Variants in RBFOX1 observed in about 807,000 individuals in gnomAD.
RBFOX1 encodes RNA binding fox-1 homolog 1, also known as RNA binding protein fox-1 homolog 1.
A neutral mutation model predicts 57.7 loss-of-function variants in RBFOX1; 8 were observed. The ratio of observed to expected loss-of-function variants is 0.14; its 90% CI spans 0.08 to 0.25. RBFOX1 has a LOEUF of 0.25. Among genes scored for constraint, RBFOX1 ranks in the 10% least tolerant of loss-of-function variants. The pLI is 1.00. For missense variants in RBFOX1, 611 were observed against 548.5 expected, an observed-to-expected ratio of 1.11 and a Z score of -1.14; for synonymous variants, 326 against 222.4, an observed-to-expected ratio of 1.47 and a Z score of -4.15.
At chr16:7,389,059 T>G (rs956237942) in intron 4 of RBFOX1, among the ~76,000 whole-genome samples, 1 of 152,196 alleles carries the variant, frequency 6.6e-6, no homozygotes, top group Non-Finnish European at 1.5e-5. Flanking sequence ...TGGCCATATG[T>G]AATATGTTCA....
At chr16:5,804,086 A>C (rs748667584) in intron 3 of RBFOX1, among the ~76,000 whole-genome samples, 2 of 152,204 alleles carry the variant, frequency 1.3e-5, no homozygotes, top group Admixed American at 6.5e-5. Flanking sequence ...ACCCAAGTAC[A>C]TGTCTGCCTC....
intron 6 of RBFOX1, among the ~76,000 whole-genome samples, chr16:7,584,959 G>C (rs140422599): frequency 6.6e-6 from 1 of 152,190 alleles, no homozygotes; most frequent in Non-Finnish European, 1.5e-5. Context: ...CACCTGCCAA[G>C]ATTGCTGTTT....
At chr16:7,409,774 T>C (rs1258118494) in intron 4 of RBFOX1, among the ~76,000 whole-genome samples, 3 of 140,794 alleles carry the variant, frequency 2.1e-5, no homozygotes, top group African/African-American at 7.5e-5. Context: ...CATTCATTCC[T>C]TGCTCTGGGC....
chr16:6,105,961 C>T (rs1270037314), intron 1 of RBFOX1, among the ~76,000 whole-genome samples: 1 of 151,954 alleles, frequency 6.6e-6, no homozygotes, highest in Non-Finnish European at 1.5e-5. Context: ...ATCCCACTTG[C>T]CACCCCCCAG....
intron 13 of RBFOX1, among the ~76,000 whole-genome samples, chr16:7,673,540 C>G (rs756715505): frequency 6.6e-6 from 1 of 152,114 alleles, no homozygotes; most frequent in Admixed American, 6.5e-5. Context: ...GACCCCATCT[C>G]TAGTAGTAAT....
chr16:6,957,621 G>C (rs910767360), intron 3 of RBFOX1, among the ~76,000 whole-genome samples: 1 of 152,026 alleles, frequency 6.6e-6, no homozygotes, highest in Non-Finnish European at 1.5e-5. Context: ...TATCAGCAAG[G>C]TCTTTATGAC....
intron 3 of RBFOX1, among the ~76,000 whole-genome samples, chr16:6,801,415 C>T (rs2085415984): frequency 6.6e-6 from 1 of 152,134 alleles, no homozygotes; most frequent in East Asian, 1.9e-4. Flanking sequence ...GGGAACTGCT[C>T]AGCTGAAGAT....
chr16:6,817,574 C>T (rs906348870), intron 3 of RBFOX1, among the ~76,000 whole-genome samples: 3 of 149,846 alleles, frequency 2.0e-5, no homozygotes, highest in Non-Finnish European at 3.0e-5. Flanking sequence ...GATTTGGTGG[C>T]GCATGCGTGT....
chr16:7,168,095 T>G (rs1041080811), intron 4 of RBFOX1, among the ~76,000 whole-genome samples: 4 of 152,188 alleles, frequency 2.6e-5, no homozygotes, highest in African/African-American at 9.7e-5. Context: ...ATTAGCTACA[T>G]TTAAAAGATT....
At chr16:6,671,707 A>G (rs1304516696) in intron 3 of RBFOX1, among the ~76,000 whole-genome samples, 1 of 152,224 alleles carries the variant, frequency 6.6e-6, no homozygotes, top group South Asian at 2.1e-4. Context: ...GAGTGAGGAC[A>G]TACGATGTTT....
chr16:7,153,654 G>T (rs943250094), intron 4 of RBFOX1, among the ~76,000 whole-genome samples: 5 of 150,286 alleles, frequency 3.3e-5, no homozygotes, highest in African/African-American at 7.4e-5. Context: ...GGAGGCTGAG[G>T]CAGGAGAATC....
intron 4 of RBFOX1, among the ~76,000 whole-genome samples, chr16:7,246,980 C>A (rs1319039745): frequency 6.6e-6 from 1 of 152,130 alleles, no homozygotes; most frequent in Admixed American, 6.5e-5. Flanking sequence ...CCTATGTATT[C>A]TTTTCCTATT....
chr16:6,082,431 A>AGTGCTGG (rs1401806621), intron 1 of RBFOX1, among the ~76,000 whole-genome samples: 2 of 133,658 alleles, frequency 1.5e-5, no homozygotes, highest in African/African-American at 5.7e-5. Flanking sequence ...CTGACCTCAG[A>AGTGCTGG]GTGCTGGGAT....
intron 4 of RBFOX1, among the ~76,000 whole-genome samples, chr16:7,438,360 C>T (rs541848877): frequency 6.6e-6 from 1 of 152,006 alleles, no homozygotes; most frequent in Non-Finnish European, 1.5e-5. Context: ...TTTGGGTCCT[C>T]TGGGGCCACG....
intron 4 of RBFOX1, among the ~76,000 whole-genome samples, chr16:7,489,328 G>T (rs552001615): frequency 1.3e-5 from 2 of 152,050 alleles, no homozygotes; most frequent in Non-Finnish European, 1.5e-5. Context: ...GTACCTTTTG[G>T]CAAGTATTTC....
intron 2 of RBFOX1, among the ~76,000 whole-genome samples, chr16:6,408,364 G>A (rs116770274): frequency 0.014 from 2,067 of 152,224 alleles, 45 homozygotes; most frequent in African/African-American, 0.046. Flanking sequence ...CCAGTGGGAT[G>A]TATTTAATGT....
intron 3 of RBFOX1, among the ~76,000 whole-genome samples, chr16:6,964,876 A>G (rs957415896): frequency 5.3e-5 from 8 of 152,254 alleles, no homozygotes; most frequent in African/African-American, 1.7e-4. Flanking sequence ...ACCCTGGGCA[A>G]GTCACTCCTT....
intron 3 of RBFOX1, among the ~76,000 whole-genome samples, chr16:7,037,369 G>A (rs1034149312): frequency 4.0e-5 from 6 of 149,204 alleles, no homozygotes; most frequent in Admixed American, 1.4e-4. Flanking sequence ...AGCCTCCCAA[G>A]TAGCTGGGAT....
intron 4 of RBFOX1, among the ~76,000 whole-genome samples, chr16:7,149,845 G>A (rs988579630): frequency 7.2e-5 from 11 of 152,102 alleles, no homozygotes; most frequent in South Asian, 2.1e-4. Flanking sequence ...GCTCCCAGTC[G>A]GAGCACCTCT....
Sources: gnomAD v4.1 joint callset for allele counts (sites outside exome capture counted in the v4.1 genomes callset) on GRCh38, gnomAD v4.1.1 for gene constraint, MANE v1.5 for transcripts, NCBI Gene and HGNC (gene_info 2026-07-23, HGNC 2026-07-21) for gene names.